The following KCNN2 variants were observed in gnomAD, a reference collection of about 807,000 sequenced individuals.
KCNN2 encodes small conductance calcium-activated potassium channel protein 2.
A neutral mutation model predicts 55.5 loss-of-function variants in KCNN2; 24 were observed. That is an observed-to-expected ratio of 0.43 (90% CI 0.31 to 0.61). The LOEUF is 0.61. Ranked by LOEUF, KCNN2 falls within the 20% of genes least tolerant of loss-of-function variation. KCNN2 has a pLI of 0.08. For synonymous variants in KCNN2, 431 were observed against 336.1 expected (o/e 1.28, Z -3.09); for missense variants, 754 against 853.6 (o/e 0.88, Z 1.45).
rs1245401395 is a variant in KCNN2 at position 114,123,488 on chromosome 5, G to A, written c.-271+66988G>A. Among the ~76,000 whole-genome samples the A allele has an allele frequency of 9.0e-5, 10 of 111,476 alleles. 1 individual carries two copies. The highest frequency in any genetic ancestry group is 8.4e-4 in the South Asian group (3 of 3,562). The allele number at this position is 111,476 out of a possible 152,430, so 73.1% of individuals were successfully genotyped here. On this transcript the variant is annotated intron_variant, in intron 1 of 10. Transcript: ENST00000512097. ...CGCCATTCTCCTGTCTCAGCCTCCCGCGTAGCTGGGACTACAGGCGCCCGC... is the reference window on the plus strand; with the variant it reads ...CGCCATTCTCCTGTCTCAGCCTCCCACGTAGCTGGGACTACAGGCGCCCGC...
chr5:114,266,520 T>A (rs966430250), intron 2 of KCNN2, among the ~76,000 whole-genome samples: 2 of 152,234 alleles, frequency 1.3e-5, no homozygotes, highest in Non-Finnish European at 2.9e-5. Flanking sequence ...CAGGACTGCA[T>A]TGTTAGAAGG....
At position 114,188,639 on chromosome 5, in the gene KCNN2, A is replaced by G. The variant is rs570130751; in HGVS notation, c.-270-32841A>G. On this transcript the variant is annotated intron_variant, in intron 1 of 10. Coordinates refer to the KCNN2 transcript ENST00000512097. ...AGCAAGCTTTTTGAATGCAAGATTC[A>G]TATATAAAACTTGGCAGAATTCTTA... Among the ~76,000 whole-genome samples the G allele has an allele frequency of 1.3e-4, 20 of 152,326 alleles. 1 individual carries two copies. Among genetic ancestry groups the G allele is most frequent in the African/African-American group, 4.6e-4 (19 of 41,588 alleles).
At chr5:114,242,615 A>G (rs1580653776) in intron 2 of KCNN2, among the ~76,000 whole-genome samples, 1 of 152,168 alleles carries the variant, frequency 6.6e-6, no homozygotes, top group African/African-American at 2.4e-5. Flanking sequence ...ACTCGCGAAT[A>G]GGAAAAAAGC....
intron 2 of KCNN2, among the ~76,000 whole-genome samples, chr5:114,288,495 T>TACACACAC (rs771115837): frequency 0.099 from 7,383 of 74,758 alleles, 235 homozygotes; most frequent in East Asian, 0.16. Context: ...TTTATATATA[T>TACACACAC]ATATACACAC....
At chr5:114,294,107 C>T (rs998041169) in intron 2 of KCNN2, among the ~76,000 whole-genome samples, 14 of 152,064 alleles carry the variant, frequency 9.2e-5, no homozygotes, top group East Asian at 5.8e-4. Context: ...GTCTTGCTAG[C>T]GGTCTATCAA....
chr5:114,154,091 C>A (rs1048988509), intron 1 of KCNN2, among the ~76,000 whole-genome samples: 4 of 152,102 alleles, frequency 2.6e-5, no homozygotes, highest in African/African-American at 9.7e-5. Context: ...TAAATAGCTT[C>A]ATTATAATAA....
At chr5:114,356,495 C>G (rs545962227) in intron 2 of KCNN2, among the ~76,000 whole-genome samples, 53 of 152,108 alleles carry the variant, frequency 3.5e-4, no homozygotes, top group Non-Finnish European at 5.7e-4. Flanking sequence ...GTTCTACTAG[C>G]AAACTCAGTA....
intron 2 of KCNN2, among the ~76,000 whole-genome samples, chr5:114,243,407 A>T (rs1343955854): frequency 2.0e-5 from 3 of 152,288 alleles, no homozygotes; most frequent in East Asian, 3.9e-4. Context: ...TTTAAATTGC[A>T]TGTAATCCTG....
chr5:114,373,640 T>TTTTTTATATATATATATATATA (rs536849367), intron 2 of KCNN2, among the ~76,000 whole-genome samples: 17 of 56,720 alleles, frequency 3.0e-4, no homozygotes, highest in African/African-American at 7.9e-4. Flanking sequence ...TATGAAGATT[T>TTTTTTATATATATATATATATA]TATATATATA....
intron 1 of KCNN2, among the ~76,000 whole-genome samples, chr5:114,194,388 C>T (rs1753509342): frequency 6.6e-6 from 1 of 151,962 alleles, no homozygotes; most frequent in Admixed American, 6.6e-5. Flanking sequence ...TTATTATAGC[C>T]ATCCTAGTGG....
At chr5:114,476,808 A>G (rs1761989230) in intron 5 of KCNN2, among the ~76,000 whole-genome samples, 1 of 152,174 alleles carries the variant, frequency 6.6e-6, no homozygotes, top group Non-Finnish European at 1.5e-5. Context: ...TTGCTGGTTT[A>G]TAATACCCAT....
At chr5:114,149,480 C>T (rs1158194742) in intron 1 of KCNN2, among the ~76,000 whole-genome samples, 1 of 152,092 alleles carries the variant, frequency 6.6e-6, no homozygotes, top group Non-Finnish European at 1.5e-5. Flanking sequence ...GGGGTCACTG[C>T]CTTCTGGTCC....
At chr5:114,341,259 G>T (rs1247660618) in intron 2 of KCNN2, among the ~76,000 whole-genome samples, 2 of 152,170 alleles carry the variant, frequency 1.3e-5, no homozygotes, top group Non-Finnish European at 2.9e-5. Context: ...TGTAAAAGTT[G>T]TTCAGTGTGC....
At position 114,397,270 on chromosome 5, in the gene KCNN2, C is replaced by A. The variant is rs189743291; in HGVS notation, c.1219-7168C>A. ...GGGATTGCTGGGTCTACTGGTAATT[C>A]TGTTTTAAGTTCTTTGAGAAATCAT... On this transcript the variant is annotated intron_variant, in intron 2 of 7. Coordinates refer to ENST00000673685, the MANE Select transcript of KCNN2 (RefSeq NM_021614.4). Among the ~76,000 whole-genome samples, 670 of 152,276 alleles carry A rather than the reference C, an allele frequency of 4.4e-3. 3 individuals carry two copies. Among genetic ancestry groups the A allele is most frequent in the Middle Eastern group, 0.01 (3 of 294 alleles).
chr5:114,101,450 T>C (rs1751371825), intron 1 of KCNN2, among the ~76,000 whole-genome samples: 1 of 151,528 alleles, frequency 6.6e-6, no homozygotes, highest in Admixed American at 6.6e-5. Flanking sequence ...ATTATTATTA[T>C]TATACTTAAG....
intron 1 of KCNN2, among the ~76,000 whole-genome samples, chr5:114,200,551 A>G (rs1356160115): frequency 6.6e-6 from 1 of 151,838 alleles, no homozygotes; most frequent in Non-Finnish European, 1.5e-5. Context: ...TTGCTGGACA[A>G]TTGTTGTGGT....
chr5:114,157,707 G>T (rs1220128974), intron 1 of KCNN2, among the ~76,000 whole-genome samples: 2 of 152,140 alleles, frequency 1.3e-5, no homozygotes, highest in Admixed American at 6.6e-5. Context: ...TCTGACTGGT[G>T]TGAGATGGTA....
At chr5:114,195,138 T>A (rs549096539) in intron 1 of KCNN2, among the ~76,000 whole-genome samples, 102 of 151,992 alleles carry the variant, frequency 6.7e-4, no homozygotes, top group Non-Finnish European at 1.3e-3. Context: ...CTTCCAACTT[T>A]GTTCTTGTTT....
At chr5:114,422,953 T>G (rs1053162789) in intron 3 of KCNN2, among the ~76,000 whole-genome samples, 1 of 152,228 alleles carries the variant, frequency 6.6e-6, no homozygotes, top group Non-Finnish European at 1.5e-5. Flanking sequence ...AAGGTAAAAG[T>G]TACAATTCAT....
Sources: gnomAD v4.1 joint callset for allele counts (sites outside exome capture counted in the v4.1 genomes callset) on GRCh38, gnomAD v4.1.1 for gene constraint, MANE v1.5 for transcripts, NCBI Gene and HGNC (gene_info 2026-07-23, HGNC 2026-07-21) for gene names.